Variants in ELMO1 observed in about 807,000 individuals in gnomAD.
ELMO1 encodes the protein engulfment and cell motility protein 1.
In ELMO1, 26 loss-of-function variants were observed where a neutral mutation model predicts 98.9. The observed-to-expected ratio is 0.26, with a 90% CI of 0.19 to 0.36. ELMO1 has a LOEUF of 0.36. Among genes scored for constraint, ELMO1 ranks in the 10% least tolerant of loss-of-function variants. The pLI, the probability that ELMO1 is intolerant of heterozygous loss-of-function variation, is 1.00. For synonymous variants in ELMO1, 346 were observed against 346.0 expected (o/e 1.00, Z 0.00); for missense variants, 627 against 935.2 (o/e 0.67, Z 4.30).
At chr7:36,918,266 G>A (rs1445959293) in intron 16 of ELMO1, among the ~76,000 whole-genome samples, 1 of 152,154 alleles carries the variant, frequency 6.6e-6, no homozygotes, top group African/African-American at 2.4e-5. Context: ...TTCTTGTACA[G>A]ATTAAACCAG....
At chr7:37,360,533 A>T (rs1047123596) in intron 1 of ELMO1, among the ~76,000 whole-genome samples, 2 of 152,180 alleles carry the variant, frequency 1.3e-5, no homozygotes, top group Admixed American at 6.5e-5. Context: ...CTAGGGGTCC[A>T]ACAGATGCAT....
intron 13 of ELMO1, among the ~76,000 whole-genome samples, chr7:37,166,081 C>T (rs894736633): frequency 2.8e-4 from 43 of 152,248 alleles, no homozygotes; most frequent in South Asian, 1.2e-3. Context: ...GTGTATGTGT[C>T]GAGGAATTTA....
At chr7:37,338,578 G>A (rs912550213) in intron 2 of ELMO1, among the ~76,000 whole-genome samples, 2 of 152,082 alleles carry the variant, frequency 1.3e-5, no homozygotes, top group African/African-American at 4.8e-5. Flanking sequence ...TCACATCCAG[G>A]TTTAAATGTC....
At chr7:37,164,165 G>A (rs996654351) in intron 13 of ELMO1, among the ~76,000 whole-genome samples, 3 of 152,132 alleles carry the variant, frequency 2.0e-5, no homozygotes, top group African/African-American at 7.2e-5. Flanking sequence ...CATATCCTTT[G>A]CCCACTTTTT....
intron 14 of ELMO1, among the ~76,000 whole-genome samples, chr7:37,128,261 C>T (rs926279069): frequency 6.6e-6 from 1 of 152,122 alleles, no homozygotes; most frequent in Non-Finnish European, 1.5e-5. Context: ...ACAACACGCT[C>T]AACTCTGTAC....
intron 1 of ELMO1, among the ~76,000 whole-genome samples, chr7:37,409,132 G>GGAA (rs1554307968): frequency 0.045 from 6,200 of 138,438 alleles, 184 homozygotes; most frequent in Non-Finnish European, 0.067. Flanking sequence ...TTTTGCAAGT[G>GGAA]AAAAAAAAAA....
chr7:36,897,788 C>T (rs1806160524), intron 16 of ELMO1, among the ~76,000 whole-genome samples: 1 of 152,172 alleles, frequency 6.6e-6, no homozygotes, highest in Non-Finnish European at 1.5e-5. Context: ...TTGCTAGATG[C>T]AAGAATACAT....
chr7:37,348,630 A>T (rs1306118015), intron 1 of ELMO1, among the ~76,000 whole-genome samples: 1 of 152,126 alleles, frequency 6.6e-6, no homozygotes, highest in Non-Finnish European at 1.5e-5. Flanking sequence ...CCCGTGAACA[A>T]GCCCACTCTT....
chr7:37,401,130 G>A (rs1278872401), intron 1 of ELMO1, among the ~76,000 whole-genome samples: 1 of 152,168 alleles, frequency 6.6e-6, no homozygotes, highest in Non-Finnish European at 1.5e-5. Flanking sequence ...AGGAAGAAGT[G>A]GGAAGCCAGA....
chr7:37,267,453 T>C (rs881263), intron 5 of ELMO1, among the ~76,000 whole-genome samples: 542 of 152,020 alleles, frequency 3.6e-3, no homozygotes, highest in Non-Finnish European at 5.0e-3. Flanking sequence ...CGCGCACGCG[T>C]GTGTGTGTGT....
At chr7:37,120,224 A>G (rs927536416) in intron 14 of ELMO1, among the ~76,000 whole-genome samples, 3 of 152,156 alleles carry the variant, frequency 2.0e-5, no homozygotes, top group Non-Finnish European at 4.4e-5. Context: ...AACTCAGAAA[A>G]CGGGTGATTT....
At chr7:37,305,357 G>C (rs1174867513) in intron 4 of ELMO1, among the ~76,000 whole-genome samples, 1 of 152,076 alleles carries the variant, frequency 6.6e-6, no homozygotes, top group African/African-American at 2.4e-5. Context: ...ATGGTTATTT[G>C]TATATTATAA....
At chr7:36,938,863 A>T (rs550351078) in intron 16 of ELMO1, among the ~76,000 whole-genome samples, 1 of 152,214 alleles carries the variant, frequency 6.6e-6, no homozygotes, top group East Asian at 1.9e-4. Flanking sequence ...AATTCAATTG[A>T]TTTAAACATC....
At chr7:37,174,478 G>C (rs1161524556) in intron 13 of ELMO1, among the ~76,000 whole-genome samples, 1 of 152,184 alleles carries the variant, frequency 6.6e-6, no homozygotes, top group South Asian at 2.1e-4. Context: ...GAAAGGGTCA[G>C]TTTGCCCCTG....
chr7:36,875,819 T>G (rs1412813248), intron 19 of ELMO1, among the ~76,000 whole-genome samples: 6 of 152,222 alleles, frequency 3.9e-5, no homozygotes, highest in African/African-American at 9.6e-5. Context: ...TTTGTTGCTG[T>G]GGCTGCCAAT....
chr7:37,273,895 T>A (rs1390702690), intron 4 of ELMO1, among the ~76,000 whole-genome samples: 1 of 152,186 alleles, frequency 6.6e-6, no homozygotes, highest in Non-Finnish European at 1.5e-5. Context: ...TTTTGGACAA[T>A]GAATTTTCTA....
rs17170816 is a variant in ELMO1, at chr7:36,985,916, T to C, written c.1437+27383A>G. On this transcript the variant is annotated intron_variant, in intron 16 of 21. Transcript: ENST00000310758. ...TGGACACATGTGTGAGACGGAGGTT[T>C]ACTCACCAAGCTCCCGTAAGTCCAT... 3.9e-3 allele frequency: 3,934 copies of C among 1,002,894 alleles called. 126 individuals are homozygous for C. The African/African-American group carries it at 0.064, about 16-fold the overall frequency. The allele number at this position is 1,002,894 out of a possible 1,614,324, so 62.1% of individuals were successfully genotyped here. A position where few individuals can be genotyped will look rare whatever the true frequency, so the allele number is the denominator to read the frequency against.
At chr7:37,209,223 T>C (rs892366411) in intron 13 of ELMO1, among the ~76,000 whole-genome samples, 1 of 152,162 alleles carries the variant, frequency 6.6e-6, no homozygotes, top group Non-Finnish European at 1.5e-5. Context: ...AGATGCTTCA[T>C]AGCACACACC....
At chr7:37,367,507 T>A (rs75153421) in intron 1 of ELMO1, among the ~76,000 whole-genome samples, 8,649 of 152,312 alleles carry the variant, frequency 0.057, 342 homozygotes, top group Non-Finnish European at 0.092. Context: ...AAGGGCACCA[T>A]TGATTTCTTA....
Sources: gnomAD v4.1 joint callset for allele counts (sites outside exome capture counted in the v4.1 genomes callset) on GRCh38, gnomAD v4.1.1 for gene constraint, MANE v1.5 for transcripts, NCBI Gene and HGNC (gene_info 2026-07-23, HGNC 2026-07-21) for gene names.